Variants in PSD3 observed in about 807,000 individuals in gnomAD.
PSD3 encodes the protein PH and SEC7 domain-containing protein 3.
In PSD3, 49 loss-of-function variants were observed where a neutral mutation model predicts 105.5. The observed-to-expected ratio is 0.46, with a 90% CI of 0.37 to 0.59. The LOEUF is 0.59. Ranked by LOEUF, PSD3 falls within the 20% of genes least tolerant of loss-of-function variation. The pLI is 0.00. For synonymous variants in PSD3, 557 were observed against 457.8 expected (o/e 1.22, Z -2.77); for missense variants, 1,561 against 1,263.8 (o/e 1.24, Z -3.57).
intron 13 of PSD3, 91 bp from the exon 14 acceptor site, chr8:18,572,763 A>C: frequency 1.4e-6 from 2 of 1,413,274 alleles, no homozygotes; most frequent in Non-Finnish European, 1.9e-6. Flanking sequence ...TTGCAATGGC[A>C]TGTGAAAATC....
rs1389374107 is a variant in PSD3, at chr8:19,050,895, AGGAGCTAG to A, written c.324+33303_324+33310del. On this transcript the variant is annotated intron_variant, in intron 1 of 1. Coordinates refer to the PSD3 transcript ENST00000521475. ...GTGGGCTGAAAACCTCCCGTGAGCCAGGAGCTAGTCACTCACATTCTCTCCCAACTGTC... is the reference window on the plus strand; with the variant it reads ...GTGGGCTGAAAACCTCCCGTGAGCCATCACTCACATTCTCTCCCAACTGTC... 6.6e-5 allele frequency among the ~76,000 whole-genome samples: 10 copies of A among 152,328 alleles called. No homozygotes were observed. In the South Asian group the frequency reaches 1.5e-3, roughly 22 times the overall value.
rs577646851 is a variant in PSD3 at position 18,592,582 on chromosome 8, C to A, written c.2481+7782G>T. On this transcript the variant is annotated intron_variant, in intron 12 of 15. Coordinates refer to ENST00000327040, the MANE Select transcript of PSD3 (RefSeq NM_015310.4). Reference sequence around the variant, plus strand: ...CAAATTATAAAAAGTCAAAGAAAAACAGAGGACTTTGAAAGTAGCAAAAGA... The same window carrying A: ...CAAATTATAAAAAGTCAAAGAAAAAAAGAGGACTTTGAAAGTAGCAAAAGA... 2.0e-5 allele frequency among the ~76,000 whole-genome samples: 3 copies of A among 152,108 alleles called. No homozygotes were observed. In the South Asian group the frequency reaches 6.2e-4, roughly 32 times the overall value.
chr8:18,934,561 C>G (rs182325484), intron 2 of PSD3, among the ~76,000 whole-genome samples: 1 of 152,124 alleles, frequency 6.6e-6, no homozygotes, highest in Non-Finnish European at 1.5e-5. Flanking sequence ...CAGGCACCTG[C>G]CACCGCGCCC....
intron 2 of PSD3, among the ~76,000 whole-genome samples, chr8:18,901,348 T>C (rs999763721): frequency 1.3e-5 from 2 of 152,250 alleles, no homozygotes; most frequent in Non-Finnish European, 2.9e-5. Flanking sequence ...GTAGGCAGCA[T>C]AGAGCTGGGT....
chr8:18,954,359 G>T (rs1823424153), intron 1 of PSD3, among the ~76,000 whole-genome samples: 1 of 148,432 alleles, frequency 6.7e-6, no homozygotes, highest in South Asian at 2.2e-4. Context: ...AATTAATTAT[G>T]TAACTAAAAT....
intron 9 of PSD3, among the ~76,000 whole-genome samples, chr8:18,761,721 A>T (rs12544207): frequency 6.6e-6 from 1 of 152,178 alleles, no homozygotes; most frequent in South Asian, 2.1e-4. Flanking sequence ...AATGTTTTAC[A>T]AAATCTATCA....
In PSD3 at chr8:19,049,690, CAAAAAAAAAAAAAA is replaced by C. The variant is rs10584051; in HGVS notation, c.324+34502_324+34515del. 7.8e-3 allele frequency among the ~76,000 whole-genome samples: 501 copies of C among 64,374 alleles called. 3 individuals are homozygous for C. The highest frequency in any genetic ancestry group is 0.024 in the African/African-American group (474 of 19,748). The allele number at this position is 64,374 out of a possible 152,430, so 42.2% of individuals were successfully genotyped here. A position where few individuals can be genotyped will look rare whatever the true frequency, so the allele number is the denominator to read the frequency against. On this transcript the variant is annotated intron_variant, in intron 1 of 1. Coordinates refer to the PSD3 transcript ENST00000521475. ...TGGGTGACAGACTAAGACCCTGTCTCAAAAAAAAAAAAAAAAAAAAAAAAAAGACAATAGTGAAG... is the reference window on the plus strand; with the variant it reads ...TGGGTGACAGACTAAGACCCTGTCTCAAAAAAAAAAAAGACAATAGTGAAG...
At chr8:18,826,268 G>T (rs140959106) in intron 4 of PSD3, among the ~76,000 whole-genome samples, 1 of 152,174 alleles carries the variant, frequency 6.6e-6, no homozygotes, top group Admixed American at 6.5e-5. Context: ...ATGGCCGATC[G>T]TGGGACTTCT....
chr8:18,660,118 A>T (rs909709883), intron 9 of PSD3, among the ~76,000 whole-genome samples: 2 of 152,206 alleles, frequency 1.3e-5, no homozygotes, highest in African/African-American at 4.8e-5. Flanking sequence ...GATGTGATTA[A>T]GTTAAAGAAC....
At chr8:18,913,043 C>T (rs12548674) in intron 2 of PSD3, among the ~76,000 whole-genome samples, 7,418 of 149,830 alleles carry the variant, frequency 0.05, 203 homozygotes, top group Admixed American at 0.082. Flanking sequence ...AAAAAAAAAT[C>T]TGGTTTAATC....
chr8:18,632,691 G>A lies in PSD3; in HGVS notation c.2332C>T (p.Pro778Ser). The change falls in exon 11 of 16, where the codon CCT becomes TCT. Residue 778 changes from proline (P) to serine (S), a missense_variant. Physicochemically the swap from Pro to Ser is moderately conservative, Grantham distance 74 (BLOSUM62 -1). Coordinates refer to ENST00000327040, the MANE Select transcript of PSD3 (RefSeq NM_015310.4). Reference sequence around the variant, plus strand: ...TACACAGCAGCATTTGGATCATGAGGAATGTCCAAAAATGGGTTAGTAGTA... The same window carrying A: ...TACACAGCAGCATTTGGATCATGAGAAATGTCCAAAAATGGGTTAGTAGTA... ...GSTTNPFLDI[P>S]HDPNAAVYKS... The A allele has an allele frequency of 1.9e-6, 3 of 1,612,720 alleles. No individual in the cohort carries two copies. The highest frequency in any genetic ancestry group is 2.5e-6 in the Non-Finnish European group (3 of 1,179,114).
chr8:18,778,280 A>G (rs2129445038), intron 8 of PSD3, among the ~76,000 whole-genome samples: 1 of 152,260 alleles, frequency 6.6e-6, no homozygotes, highest in East Asian at 1.9e-4. Flanking sequence ...TCATTATTAG[A>G]GAATAGACAC....
intron 1 of PSD3, among the ~76,000 whole-genome samples, chr8:18,945,107 C>G (rs1586493184): frequency 6.6e-6 from 1 of 152,166 alleles, no homozygotes. Flanking sequence ...CACATTCACA[C>G]TCACTGTGGT....
chr8:18,956,435 G>A (rs1272395518), intron 1 of PSD3, among the ~76,000 whole-genome samples: 3 of 152,114 alleles, frequency 2.0e-5, no homozygotes, highest in Non-Finnish European at 2.9e-5. Context: ...TCATAAGAAA[G>A]TAGATGATTA....
chr8:18,629,995 G>A (rs188813617), intron 11 of PSD3, among the ~76,000 whole-genome samples: 2 of 151,788 alleles, frequency 1.3e-5, no homozygotes, highest in Admixed American at 6.6e-5. Context: ...AAACTTCCAC[G>A]CTCCTCCTGA....
chr8:18,998,997 T>C (rs1231866444), intron 1 of PSD3, among the ~76,000 whole-genome samples: 1 of 151,860 alleles, frequency 6.6e-6, no homozygotes, highest in Non-Finnish European at 1.5e-5. Flanking sequence ...AAAATTATCT[T>C]CCAGGTGAAA....
At chr8:18,670,001 G>A (rs1799687305) in intron 9 of PSD3, among the ~76,000 whole-genome samples, 1 of 152,140 alleles carries the variant, frequency 6.6e-6, no homozygotes, top group South Asian at 2.1e-4. Context: ...TGAGTGGGGT[G>A]GAAGCAGGTA....
chr8:18,609,313 G>A (rs1354513232), intron 11 of PSD3, among the ~76,000 whole-genome samples: 1 of 152,158 alleles, frequency 6.6e-6, no homozygotes, highest in Non-Finnish European at 1.5e-5. Context: ...ACAGGTATGT[G>A]GGGATGAGGT....
chr8:18,781,353 T>C (rs558054936), intron 8 of PSD3, among the ~76,000 whole-genome samples: 14 of 152,332 alleles, frequency 9.2e-5, no homozygotes, highest in Non-Finnish European at 2.1e-4. Flanking sequence ...CCCTAGGTCT[T>C]GGGAGTAAAG....
Sources: allele counts gnomAD v4.1 joint callset (sites outside exome capture counted in the v4.1 genomes callset), GRCh38; gene constraint gnomAD v4.1.1; transcripts MANE v1.5; gene names NCBI Gene and HGNC (gene_info 2026-07-23, HGNC 2026-07-21).